The following ELP4 variants were observed in gnomAD, a reference collection of about 807,000 sequenced individuals.
ELP4 encodes elongator acetyltransferase complex subunit 4.
Under a neutral mutation model 48.9 loss-of-function variants are expected in ELP4, and 51 were observed. That is an observed-to-expected ratio of 1.04 (90% CI 0.83 to 1.32). ELP4 has a LOEUF of 1.32. Among genes scored for constraint, ELP4 ranks in the 40% most tolerant of loss-of-function variants. The pLI is 0.00. For missense variants in ELP4, 519 were observed against 514.6 expected (o/e 1.01, Z -0.08); for synonymous variants, 210 against 189.2 (o/e 1.11, Z -0.90).
intron 9 of ELP4, among the ~76,000 whole-genome samples, chr11:31,745,380 G>GA (rs1393296534): frequency 1.3e-5 from 2 of 152,082 alleles, no homozygotes; most frequent in Admixed American, 6.5e-5. Flanking sequence ...CACAGAATTG[G>GA]AAAAAACTAC....
chr11:31,750,422 A>G (rs1397079612), intron 9 of ELP4, among the ~76,000 whole-genome samples: 3 of 151,386 alleles, frequency 2.0e-5, no homozygotes, highest in Non-Finnish European at 2.9e-5. Context: ...GTACATGATT[A>G]CCTCATTCAC....
intron 9 of ELP4, among the ~76,000 whole-genome samples, chr11:31,768,681 A>G (rs1425045471): frequency 6.6e-6 from 1 of 152,226 alleles, no homozygotes; most frequent in Admixed American, 6.5e-5. Context: ...TTGTTCATGC[A>G]TGCAGAACAA....
chr11:31,586,842 A>G (rs1022535622), intron 3 of ELP4, among the ~76,000 whole-genome samples: 2 of 151,978 alleles, frequency 1.3e-5, no homozygotes, highest in Non-Finnish European at 2.9e-5. Flanking sequence ...GGGTTTCTCC[A>G]TGTTGGTCAG....
At chr11:31,625,265 G>A (rs925561512) in intron 5 of ELP4, among the ~76,000 whole-genome samples, 19 of 151,644 alleles carry the variant, frequency 1.3e-4, no homozygotes, top group African/African-American at 4.6e-4. Context: ...TGTTGTATAC[G>A]TGGTCCATCA....
chr11:31,547,918 C>T lies in ELP4; in HGVS notation c.381+8135C>T, dbSNP rs944038621. Among the ~76,000 whole-genome samples, 421 of 152,178 alleles carry T rather than the reference C, an allele frequency of 2.8e-3. 4 individuals carry two copies. The highest frequency in any genetic ancestry group is 9.6e-3 in the African/African-American group (399 of 41,518). ...TTATCTCAATAGATGCAGAAAAGGC[C>T]TTTGACAAAATTCAACAACCCTTCA... On this transcript the variant is annotated intron_variant, in intron 3 of 9. Coordinates refer to ENST00000640961, the MANE Select transcript of ELP4 (RefSeq NM_019040.5).
At chr11:31,579,915 C>A (rs1957359137) in intron 3 of ELP4, among the ~76,000 whole-genome samples, 1 of 151,568 alleles carries the variant, frequency 6.6e-6, no homozygotes, top group Non-Finnish European at 1.5e-5. Flanking sequence ...GCACCTGTAC[C>A]CTAGAACTTA....
intron 7 of ELP4, among the ~76,000 whole-genome samples, chr11:31,642,129 C>A (rs1203048060): frequency 6.6e-6 from 1 of 151,910 alleles, no homozygotes; most frequent in East Asian, 1.9e-4. Flanking sequence ...TTATTCTGTC[C>A]AGCCTATTCA....
At chr11:31,695,740 T>A (rs1266424080) in intron 9 of ELP4, among the ~76,000 whole-genome samples, 1 of 142,414 alleles carries the variant, frequency 7.0e-6, no homozygotes, top group Non-Finnish European at 1.5e-5. Context: ...TCAGAAGGAA[T>A]GGTACCAGCT....
intron 9 of ELP4, among the ~76,000 whole-genome samples, chr11:31,766,215 GAT>G (rs1298302030): frequency 6.6e-6 from 1 of 152,018 alleles, no homozygotes; most frequent in East Asian, 1.9e-4. Flanking sequence ...AACCTAAAGA[GAT>G]ATTTTATATC....
At chr11:31,596,328 T>C (rs1029609086) in intron 4 of ELP4, among the ~76,000 whole-genome samples, 2 of 152,140 alleles carry the variant, frequency 1.3e-5, no homozygotes, top group African/African-American at 4.8e-5. Flanking sequence ...TGCTTGAACC[T>C]GGGAGGTGGA....
In ELP4 at chr11:31,721,438, A is replaced by G. The variant is rs146597323; in HGVS notation, c.1144-61955A>G. On this transcript the variant is annotated intron_variant, in intron 9 of 9. Transcript: ENST00000640961. ...TAGCCACAAATAACATTAGTACTGTATCACAACACTAGTGGATTTTGGTTT... is the reference window on the plus strand; with the variant it reads ...TAGCCACAAATAACATTAGTACTGTGTCACAACACTAGTGGATTTTGGTTT... Among the ~76,000 whole-genome samples the G allele has an allele frequency of 1.7e-3, 253 of 152,284 alleles. 1 individual carries two copies. The highest frequency in any genetic ancestry group is 5.9e-3 in the African/African-American group (247 of 41,562).
intron 3 of ELP4, among the ~76,000 whole-genome samples, chr11:31,582,380 G>A (rs190749335): frequency 1.1e-4 from 17 of 152,214 alleles, no homozygotes; most frequent in East Asian, 1.9e-4. Context: ...ATTTGACCAC[G>A]TTGATCTGGC....
At chr11:31,516,619 C>T (rs1956116414) in intron 1 of ELP4, among the ~76,000 whole-genome samples, 2 of 152,144 alleles carry the variant, frequency 1.3e-5, no homozygotes, top group African/African-American at 2.4e-5. Flanking sequence ...CCACAGCTCC[C>T]CAAGTAGCTG....
At chr11:31,682,627 T>C (rs996144351) in intron 9 of ELP4, among the ~76,000 whole-genome samples, 14 of 152,222 alleles carry the variant, frequency 9.2e-5, no homozygotes, top group African/African-American at 3.4e-4. Flanking sequence ...AATACTACCA[T>C]GTGCCGGGCC....
intron 5 of ELP4, among the ~76,000 whole-genome samples, chr11:31,618,610 G>A (rs1254173806): frequency 5.3e-5 from 8 of 152,104 alleles, no homozygotes; most frequent in East Asian, 1.9e-4. Context: ...AAAGGGGACC[G>A]ACATTCAAAC....
chr11:31,647,632 A>G lies in ELP4; in HGVS notation c.928-109A>G, dbSNP rs1945230061. 4 of 663,248 alleles carry G rather than the reference A, an allele frequency of 6.0e-6. No homozygotes were observed. In the Admixed American group the frequency reaches 7.3e-5, roughly 12 times the overall value. 41.1% of individuals were successfully genotyped at this position (663,248 alleles called of 1,614,324 possible). Reference sequence around the variant, plus strand: ...TAACTTTTAAGTTATTTCACTGTTGATAGTCTATCTCCACTACAGTTTTTC... The same window carrying G: ...TAACTTTTAAGTTATTTCACTGTTGGTAGTCTATCTCCACTACAGTTTTTC... On this transcript the variant is annotated intron_variant, in intron 7 of 9. Transcript: ENST00000640961.
In ELP4 at chr11:31,669,634, T is replaced by C. The variant is rs563823840; in HGVS notation, c.1143+19413T>C. Reference sequence around the variant, plus strand: ...CCATAAACTAGTGGCAGAAACTGTCTTTTTCTTCCTCAGTCATTCACCCAC... The same window carrying C: ...CCATAAACTAGTGGCAGAAACTGTCCTTTTCTTCCTCAGTCATTCACCCAC... On this transcript the variant is annotated intron_variant, in intron 9 of 9. Coordinates refer to ENST00000640961, the MANE Select transcript of ELP4 (RefSeq NM_019040.5). Among the ~76,000 whole-genome samples the C allele has an allele frequency of 2.6e-5, 4 of 152,304 alleles. No individual in the cohort carries two copies. The South Asian group carries it at 8.3e-4, about 32-fold the overall frequency.
At chr11:31,586,646 T>C (rs1029749851) in intron 3 of ELP4, among the ~76,000 whole-genome samples, 5 of 150,786 alleles carry the variant, frequency 3.3e-5, no homozygotes, top group Admixed American at 6.6e-5. Flanking sequence ...GTTTTTTGGT[T>C]TTTTTTTTTG....
chr11:31,543,415 G>A (rs1247053828), intron 3 of ELP4, among the ~76,000 whole-genome samples: 1 of 152,058 alleles, frequency 6.6e-6, no homozygotes, highest in Non-Finnish European at 1.5e-5. Context: ...CGCCTCCCGG[G>A]TTCATGCCAT....
Sources: gnomAD v4.1 joint callset for allele counts (sites outside exome capture counted in the v4.1 genomes callset) on GRCh38, gnomAD v4.1.1 for gene constraint, MANE v1.5 for transcripts, NCBI Gene and HGNC (gene_info 2026-07-23, HGNC 2026-07-21) for gene names.